The following ZBTB7C variants were observed in gnomAD, a reference collection of about 807,000 sequenced individuals.
The protein encoded by ZBTB7C is zinc finger and BTB domain-containing protein 7C.
A neutral mutation model predicts 25.7 loss-of-function variants in ZBTB7C; 8 were observed. The observed-to-expected ratio is 0.31, with a 90% confidence interval of 0.18 to 0.56. ZBTB7C has a LOEUF of 0.56. ZBTB7C is among the 20% of genes least tolerant of loss of function. The pLI, the probability that ZBTB7C is intolerant of heterozygous loss-of-function variation, is 0.91. For missense variants in ZBTB7C, 824 were observed against 855.2 expected, an observed-to-expected ratio of 0.96 and a Z score of 0.46; for synonymous variants, 394 against 369.0, an observed-to-expected ratio of 1.07 and a Z score of -0.78.
intron 2 of ZBTB7C, among the ~76,000 whole-genome samples, chr18:48,332,678 T>C (rs1328594559): frequency 7.0e-6 from 1 of 141,948 alleles, no homozygotes. Flanking sequence ...CTTTGCTTTT[T>C]TTTTTTTTTT....
chr18:48,274,566 T>A (rs1344850831), intron 2 of ZBTB7C, among the ~76,000 whole-genome samples: 1 of 152,158 alleles, frequency 6.6e-6, no homozygotes, highest in African/African-American at 2.4e-5. Context: ...CCTATTTTCA[T>A]AAATGCTGCA....
At chr18:48,072,472 G>C (rs1255891299) in intron 3 of ZBTB7C, 2 of 152,200 alleles carry the variant, frequency 1.3e-5, no homozygotes, top group African/African-American at 4.8e-5. Context: ...TTCCCAGGTC[G>C]ATCTGCAGCC....
intron 3 of ZBTB7C, among the ~76,000 whole-genome samples, chr18:48,051,517 C>A (rs372461545): frequency 6.6e-6 from 1 of 152,176 alleles, no homozygotes; most frequent in Non-Finnish European, 1.5e-5. Flanking sequence ...GCACTTTGAC[C>A]TCTTTGGTGG....
At chr18:48,042,432 G>A (rs1316367753) in intron 3 of ZBTB7C, among the ~76,000 whole-genome samples, 1 of 152,188 alleles carries the variant, frequency 6.6e-6, no homozygotes, top group Non-Finnish European at 1.5e-5. Flanking sequence ...ATAAAGTGGG[G>A]AGAAAACAAA....
At chr18:48,117,306 G>T (rs1705454912) in intron 3 of ZBTB7C, among the ~76,000 whole-genome samples, 1 of 152,188 alleles carries the variant, frequency 6.6e-6, no homozygotes, top group Non-Finnish European at 1.5e-5. Context: ...GCCGAGGTGG[G>T]CAGATGGGAG....
intron 2 of ZBTB7C, among the ~76,000 whole-genome samples, chr18:48,306,096 GAGCACACTCCCTA>G (rs1429752988): frequency 6.6e-6 from 1 of 152,202 alleles, no homozygotes; most frequent in Non-Finnish European, 1.5e-5. Context: ...ATTCAAACCT[GAGCACACTCCCTA>G]TGCAGGCAAC....
At chr18:48,058,765 A>G (rs147559553) in intron 3 of ZBTB7C, among the ~76,000 whole-genome samples, 2 of 152,368 alleles carry the variant, frequency 1.3e-5, no homozygotes, top group Non-Finnish European at 2.9e-5. Flanking sequence ...TGGCGAGGCT[A>G]TAAGAGATAT....
chr18:48,372,789 T>TTCTAC (rs1410935320), intron 1 of ZBTB7C, among the ~76,000 whole-genome samples: 2 of 152,108 alleles, frequency 1.3e-5, no homozygotes, highest in Admixed American at 6.5e-5. Flanking sequence ...TATATGCAGG[T>TTCTAC]CCTGGAGGCA....
chr18:48,351,039 G>A (rs1352486931), intron 1 of ZBTB7C, among the ~76,000 whole-genome samples: 2 of 151,794 alleles, frequency 1.3e-5, no homozygotes, highest in Non-Finnish European at 2.9e-5. Flanking sequence ...CTGGATGTCT[G>A]TAGAATAAAT....
intron 2 of ZBTB7C, among the ~76,000 whole-genome samples, chr18:48,282,917 A>G (rs2044913047): frequency 6.6e-6 from 1 of 152,222 alleles, no homozygotes; most frequent in Non-Finnish European, 1.5e-5. Context: ...CTATGTCATG[A>G]TTTAGATGCT....
At chr18:48,286,571 T>C (rs567881861) in intron 2 of ZBTB7C, among the ~76,000 whole-genome samples, 1 of 152,176 alleles carries the variant, frequency 6.6e-6, no homozygotes, top group Admixed American at 6.5e-5. Context: ...CCTCAAAATA[T>C]GTTAAGAAAA....
chr18:48,260,614 G>T (rs1199873507), intron 2 of ZBTB7C, among the ~76,000 whole-genome samples: 4 of 152,214 alleles, frequency 2.6e-5, no homozygotes, highest in Non-Finnish European at 5.9e-5. Context: ...GACTGCAACA[G>T]CCACCACTCA....
intron 2 of ZBTB7C, among the ~76,000 whole-genome samples, chr18:48,242,911 C>G (rs542433166): frequency 6.6e-6 from 1 of 152,222 alleles, no homozygotes; most frequent in South Asian, 2.1e-4. Flanking sequence ...GTCAAACTGT[C>G]ATTGCTCACT....
intron 4 of ZBTB7C, among the ~76,000 whole-genome samples, chr18:48,032,223 C>T (rs984269975): frequency 6.6e-6 from 1 of 151,912 alleles, no homozygotes; most frequent in Non-Finnish European, 1.5e-5. Flanking sequence ...AAGTGATTCT[C>T]CTGCCTCAGC....
At chr18:48,389,424 G>A (rs532490890) in intron 1 of ZBTB7C, among the ~76,000 whole-genome samples, 3 of 144,414 alleles carry the variant, frequency 2.1e-5, no homozygotes, top group African/African-American at 7.6e-5. Context: ...CCTAATGTGT[G>A]ACCCAGAGTC....
chr18:48,327,661 TGA>T (rs2046252212), intron 2 of ZBTB7C, among the ~76,000 whole-genome samples: 2 of 152,072 alleles, frequency 1.3e-5, no homozygotes, highest in South Asian at 4.2e-4. Context: ...TCGCTGGAGA[TGA>T]GAGAGGGCAG....
intron 2 of ZBTB7C, among the ~76,000 whole-genome samples, chr18:48,207,659 G>T (rs1286635180): frequency 6.6e-6 from 1 of 150,736 alleles, no homozygotes; most frequent in Non-Finnish European, 1.5e-5. Flanking sequence ...TCCCTATGTT[G>T]CCCAGGCTGG....
At chr18:48,031,744 C>A (rs1157338695) in intron 4 of ZBTB7C, among the ~76,000 whole-genome samples, 1 of 152,240 alleles carries the variant, frequency 6.6e-6, no homozygotes, top group Non-Finnish European at 1.5e-5. Flanking sequence ...CACTGAGAAC[C>A]ACCGGTCTAG....
chr18:48,040,713 T>C lies in ZBTB7C; in HGVS notation c.395A>G (p.Asp132Gly), dbSNP rs767404339. The C allele has an allele frequency of 2.5e-5, 41 of 1,608,380 alleles. No homozygotes were observed. The highest frequency in any genetic ancestry group is 3.4e-5 in the Non-Finnish European group (40 of 1,175,896). ...VCLEIMEPGGDGGEEDDKEDD... is the reference protein window; with the variant it reads ...VCLEIMEPGGGGGEEDDKEDD... ...CTCCTTGTCATCCTCCTCCCCCCCGTCCCCCCCAGGCTCCATGATCTCCAG... is the reference window on the plus strand; with the variant it reads ...CTCCTTGTCATCCTCCTCCCCCCCGCCCCCCCCAGGCTCCATGATCTCCAG... Residue 132 changes from aspartate to glycine, a missense_variant, in exon 4 of 5, where the codon GAC becomes GGC. Coordinates refer to ENST00000590800, the MANE Select transcript of ZBTB7C (RefSeq NM_001318841.2).
Sources: gnomAD v4.1 joint callset for allele counts (sites outside exome capture counted in the v4.1 genomes callset) on GRCh38, gnomAD v4.1.1 for gene constraint, MANE v1.5 for transcripts, NCBI Gene and HGNC (gene_info 2026-07-23, HGNC 2026-07-21) for gene names.